Variants in ADAMTSL3 observed in about 807,000 individuals in gnomAD.
ADAMTSL3 encodes ADAMTS like 3.
A neutral mutation model predicts 201.7 loss-of-function variants in ADAMTSL3; 128 were observed. The ratio of observed to expected loss-of-function variants is 0.63; its 90% confidence interval spans 0.55 to 0.73. The LOEUF is 0.73. Among genes scored for constraint, ADAMTSL3 ranks in the 30% least tolerant of loss-of-function variants. The pLI is 0.00. For synonymous variants in ADAMTSL3, 738 were observed against 748.4 expected (o/e 0.99, Z 0.23); for missense variants, 1,990 against 2,119.6 (o/e 0.94, Z 1.20).
intron 4 of ADAMTSL3, among the ~76,000 whole-genome samples, chr15:83,802,106 A>G (rs2063533770): frequency 6.6e-6 from 1 of 152,166 alleles, no homozygotes; most frequent in South Asian, 2.1e-4. Context: ...ATCATGCAGC[A>G]TTGCCTTTCC....
intron 2 of ADAMTSL3, among the ~76,000 whole-genome samples, chr15:83,657,500 T>C (rs1416899457): frequency 6.6e-6 from 1 of 152,232 alleles, no homozygotes; most frequent in Non-Finnish European, 1.5e-5. Context: ...CGCAAACGTC[T>C]CTGCATCGCA....
chr15:83,761,085 A>AT (rs1318751299), intron 3 of ADAMTSL3, among the ~76,000 whole-genome samples: 1 of 151,750 alleles, frequency 6.6e-6, no homozygotes, highest in East Asian at 1.9e-4. Context: ...TTTTCTTATT[A>AT]TATCTTTTCC....
At chr15:83,714,742 T>TTTTC (rs2061978632) in intron 3 of ADAMTSL3, among the ~76,000 whole-genome samples, 1 of 39,708 alleles carries the variant, frequency 2.5e-5, no homozygotes, top group South Asian at 2.0e-3. Flanking sequence ...CTCCTTCTCC[T>TTTTC]TTTCCTTCCT....
chr15:83,697,365 A>C (rs2061700340), intron 2 of ADAMTSL3, among the ~76,000 whole-genome samples: 2 of 152,134 alleles, frequency 1.3e-5, no homozygotes, highest in African/African-American at 4.8e-5. Flanking sequence ...ATTTCAATTC[A>C]ATTCTGAGAC....
Position 83,982,584 on chromosome 15 carries a change from T to G in ADAMTSL3, c.2956T>G (p.Ser986Ala). The G allele has an allele frequency of 6.2e-7, 1 of 1,614,192 alleles. No homozygotes were observed. Among genetic ancestry groups the G allele is most frequent in the Non-Finnish European group, 8.5e-7 (1 of 1,180,036 alleles). ...DIGVYRCIAG[S>A]AQETVVLKLI... Reference sequence around the variant, plus strand: ...CGGCGTGTACCGGTGCATTGCAGGCTCTGCACAGGAAACAGTTGTGCTCAA... The same window carrying G: ...CGGCGTGTACCGGTGCATTGCAGGCGCTGCACAGGAAACAGTTGTGCTCAA... The change falls in exon 21 of 30, where the codon TCT becomes GCT. Residue 986 changes from serine to alanine, a missense_variant. By Grantham distance (99) the Ser-to-Ala change is moderately conservative. Transcript: ENST00000286744.
rs548471422 is a variant in ADAMTSL3, at chr15:83,791,469, G to A, written c.318-13181G>A. Among the ~76,000 whole-genome samples, 9 of 152,228 alleles carry A rather than the reference G, an allele frequency of 5.9e-5. No individual in the cohort carries two copies. The South Asian group carries it at 1.7e-3, about 28-fold the overall frequency. ...AACTGATTTTTTACAAAGGTGTCAAGAACACAGGGAAAAGACAATTGTCTC... is the reference window on the plus strand; with the variant it reads ...AACTGATTTTTTACAAAGGTGTCAAAAACACAGGGAAAAGACAATTGTCTC... On this transcript the variant is annotated intron_variant, in intron 4 of 29. Coordinates refer to ENST00000286744, the MANE Select transcript of ADAMTSL3 (RefSeq NM_207517.3).
chr15:83,703,519 A>G (rs2061804054), intron 2 of ADAMTSL3, among the ~76,000 whole-genome samples: 2 of 152,086 alleles, frequency 1.3e-5, no homozygotes, highest in African/African-American at 4.8e-5. Flanking sequence ...AGTTTCCCCC[A>G]TACTGTTCTC....
intron 4 of ADAMTSL3, among the ~76,000 whole-genome samples, chr15:83,786,308 T>C (rs2063261928): frequency 6.6e-6 from 1 of 152,162 alleles, no homozygotes; most frequent in Admixed American, 6.5e-5. Flanking sequence ...TAACTTCTAG[T>C]GGAGTTCTTT....
At chr15:83,937,553 C>G (rs149056188) in intron 17 of ADAMTSL3, among the ~76,000 whole-genome samples, 2 of 150,858 alleles carry the variant, frequency 1.3e-5, no homozygotes, top group East Asian at 3.9e-4. Context: ...AAGTACCTAC[C>G]AGGTACTATG....
chr15:83,731,341 A>G (rs1246205356), intron 3 of ADAMTSL3, among the ~76,000 whole-genome samples: 2 of 152,188 alleles, frequency 1.3e-5, no homozygotes, highest in South Asian at 4.1e-4. Flanking sequence ...AAATGCAAAT[A>G]AAAACCACAA....
intron 3 of ADAMTSL3, among the ~76,000 whole-genome samples, chr15:83,732,620 G>T (rs1042686388): frequency 1.3e-5 from 2 of 152,122 alleles, no homozygotes; most frequent in South Asian, 4.2e-4. Flanking sequence ...AAATCTATTA[G>T]AAACTATATA....
chr15:83,877,074 G>T (rs957114789), intron 9 of ADAMTSL3, among the ~76,000 whole-genome samples: 1 of 152,114 alleles, frequency 6.6e-6, no homozygotes, highest in Non-Finnish European at 1.5e-5. Flanking sequence ...GATTACAGGT[G>T]TGAGCCACTG....
intron 28 of ADAMTSL3, 33 bp downstream of exon 28, chr15:84,031,465 TCTC>T: frequency 6.3e-7 from 1 of 1,576,742 alleles, no homozygotes; most frequent in Non-Finnish European, 8.7e-7. Context: ...GCACACATTC[TCTC>T]CTGACTCACT....
intron 9 of ADAMTSL3, among the ~76,000 whole-genome samples, chr15:83,871,780 C>G (rs1388677367): frequency 1.3e-5 from 2 of 152,066 alleles, no homozygotes; most frequent in African/African-American, 4.8e-5. Context: ...TTTGAAAATG[C>G]CTAAGAAATG....
At chr15:83,735,626 A>G (rs570443367) in intron 3 of ADAMTSL3, among the ~76,000 whole-genome samples, 1 of 150,734 alleles carries the variant, frequency 6.6e-6, no homozygotes, top group Non-Finnish European at 1.5e-5. Context: ...AAAGCATACA[A>G]TTTTTTTGCT....
intron 8 of ADAMTSL3, among the ~76,000 whole-genome samples, chr15:83,866,173 A>G (rs578091775): frequency 6.7e-4 from 102 of 152,370 alleles, no homozygotes; most frequent in African/African-American, 2.4e-3. Context: ...ACTGTAAACT[A>G]GTTCAACCAT....
In ADAMTSL3 at chr15:83,711,186, A is replaced by T. The variant is rs2061928749; in HGVS notation, c.189+6678A>T. 2.6e-5 allele frequency among the ~76,000 whole-genome samples: 4 copies of T among 152,190 alleles called. No individual in the cohort carries two copies. The South Asian group carries it at 8.3e-4, about 32-fold the overall frequency. The stretch of plus-strand genomic sequence containing the variant: ...GGAGAAATCTATTTGCTGTGAGTAC[A>T]TCTCTCTCAAAGTAACTTCTTCCGA... On this transcript the variant is annotated intron_variant, in intron 3 of 29. Coordinates refer to ENST00000286744, the MANE Select transcript of ADAMTSL3 (RefSeq NM_207517.3).
chr15:84,008,315 G>A (rs991380133), intron 23 of ADAMTSL3, among the ~76,000 whole-genome samples: 5 of 152,084 alleles, frequency 3.3e-5, no homozygotes, highest in Admixed American at 2.6e-4. Context: ...GGCTGGCCTC[G>A]AACTCCTGAC....
At chr15:83,714,708 C>T (rs1200269633) in intron 3 of ADAMTSL3, among the ~76,000 whole-genome samples, 1 of 138,110 alleles carries the variant, frequency 7.2e-6, no homozygotes, top group Non-Finnish European at 1.6e-5. Flanking sequence ...TTCCTTCCCT[C>T]CTTCCCTCTT....
Sources: gnomAD v4.1 joint callset for allele counts (sites outside exome capture counted in the v4.1 genomes callset) on GRCh38, gnomAD v4.1.1 for gene constraint, MANE v1.5 for transcripts, NCBI Gene and HGNC (gene_info 2026-07-23, HGNC 2026-07-21) for gene names.